Variants in EYS observed in about 807,000 individuals in gnomAD.
EYS encodes the protein protein eyes shut homolog.
Under a neutral mutation model 282.1 loss-of-function variants are expected in EYS, and 250 were observed. The ratio of observed to expected loss-of-function variants is 0.89; its 90% CI spans 0.80 to 0.98. The LOEUF (loss-of-function observed/expected upper bound fraction) is 0.98. Among genes scored for constraint, EYS ranks in the 50% least tolerant of loss-of-function variants. The pLI, the probability that EYS is intolerant of heterozygous loss-of-function variation, is 0.00. For synonymous variants in EYS, 1,355 were observed against 1,282.9 expected (o/e 1.06, Z -1.20); for missense variants, 4,016 against 3,709.0 (o/e 1.08, Z -2.15).
At chr6:65,458,440 T>G (rs1417108201) in intron 5 of EYS, among the ~76,000 whole-genome samples, 1 of 152,044 alleles carries the variant, frequency 6.6e-6, no homozygotes. Context: ...TCAGGGAATA[T>G]CCCATGAGAA....
chr6:64,499,879 C>T (rs573996738), intron 26 of EYS, among the ~76,000 whole-genome samples: 3 of 152,118 alleles, frequency 2.0e-5, no homozygotes, highest in Non-Finnish European at 4.4e-5. Context: ...TCTGAAATGC[C>T]GTGCTCATTG....
rs372357371 is a variant in EYS, at chr6:65,239,183, G to A, written c.2023+56680C>T. Among the ~76,000 whole-genome samples, 195 of 152,090 alleles carry A rather than the reference G, an allele frequency of 1.3e-3. 1 individual carries two copies. The highest frequency in any genetic ancestry group is 4.3e-3 in the African/African-American group (180 of 41,532). On this transcript the variant is annotated intron_variant, in intron 12 of 42. Coordinates refer to ENST00000503581, the MANE Select transcript of EYS (RefSeq NM_001142800.2). ...CACAGGCCAAAACAAGACATATCCT[G>A]TCTTCACAGGGTGATGCTCATTGTC...
At chr6:64,030,839 C>A (rs370091165) in intron 33 of EYS, among the ~76,000 whole-genome samples, 3 of 152,234 alleles carry the variant, frequency 2.0e-5, no homozygotes, top group Non-Finnish European at 1.5e-5. Context: ...CCTGGACCAA[C>A]GCGCTGGCAC....
chr6:65,354,960 C>T (rs1231127476), intron 8 of EYS, among the ~76,000 whole-genome samples: 2 of 152,026 alleles, frequency 1.3e-5, no homozygotes, highest in East Asian at 3.9e-4. Flanking sequence ...TAACCCATTA[C>T]TTTTATACTG....
intron 12 of EYS, among the ~76,000 whole-genome samples, chr6:65,210,957 C>T (rs751749776): frequency 1.3e-5 from 2 of 149,174 alleles, no homozygotes; most frequent in African/African-American, 2.5e-5. Context: ...CACACACACA[C>T]GAAGCAAACG....
chr6:65,638,366 G>C (rs1767162276), intron 2 of EYS, among the ~76,000 whole-genome samples: 1 of 152,130 alleles, frequency 6.6e-6, no homozygotes, highest in Admixed American at 6.5e-5. Flanking sequence ...CTGAATGGTG[G>C]GAATGAAAGA....
At chr6:65,086,307 C>T (rs1326599420) in intron 12 of EYS, among the ~76,000 whole-genome samples, 1 of 151,710 alleles carries the variant, frequency 6.6e-6, no homozygotes, top group African/African-American at 2.4e-5. Context: ...CAGAGTGAGA[C>T]TCCATCTCAA....
At chr6:63,728,582 A>G (rs1192163156) in intron 41 of EYS, among the ~76,000 whole-genome samples, 1 of 152,198 alleles carries the variant, frequency 6.6e-6, no homozygotes, top group Non-Finnish European at 1.5e-5. Flanking sequence ...ACACATCATT[A>G]TCACATAAGT....
At chr6:64,200,421 A>G (rs1272821135) in intron 31 of EYS, among the ~76,000 whole-genome samples, 4 of 152,146 alleles carry the variant, frequency 2.6e-5, no homozygotes, top group African/African-American at 9.7e-5. Context: ...TTGTGTATGG[A>G]AGTTAGGGTA....
chr6:64,247,489 C>T (rs943661902), intron 30 of EYS, among the ~76,000 whole-genome samples: 2 of 152,022 alleles, frequency 1.3e-5, no homozygotes, highest in African/African-American at 4.8e-5. Context: ...CCAAGTAAAT[C>T]GATCTAGGAT....
intron 22 of EYS, among the ~76,000 whole-genome samples, chr6:64,709,099 T>C (rs533656788): frequency 6.6e-6 from 1 of 152,326 alleles, no homozygotes; most frequent in South Asian, 2.1e-4. Context: ...AAATATAATA[T>C]GTTTTTAAAA....
chr6:64,478,445 T>C (rs1430160078), intron 26 of EYS, among the ~76,000 whole-genome samples: 1 of 151,478 alleles, frequency 6.6e-6, no homozygotes, highest in Admixed American at 6.6e-5. Flanking sequence ...AAATTATTTC[T>C]ATATTTAAAA....
At chr6:64,745,462 G>T (rs1330983608) in intron 22 of EYS, among the ~76,000 whole-genome samples, 2 of 151,968 alleles carry the variant, frequency 1.3e-5, no homozygotes, top group African/African-American at 4.8e-5. Flanking sequence ...AAATTCAGTG[G>T]CATTTAGTAT....
At chr6:64,604,026 T>C (rs950606070) in intron 24 of EYS, among the ~76,000 whole-genome samples, 1 of 151,948 alleles carries the variant, frequency 6.6e-6, no homozygotes, top group Non-Finnish European at 1.5e-5. Context: ...ATTCCCCTAA[T>C]CTGCATTATT....
intron 13 of EYS, among the ~76,000 whole-genome samples, chr6:65,051,332 G>C (rs996978229): frequency 6.6e-6 from 1 of 151,388 alleles, no homozygotes; most frequent in Non-Finnish European, 1.5e-5. Flanking sequence ...ATATGTGCAG[G>C]TTTCATTTTA....
At chr6:64,617,111 C>T (rs759748956) in intron 24 of EYS, among the ~76,000 whole-genome samples, 2 of 152,098 alleles carry the variant, frequency 1.3e-5, no homozygotes, top group Non-Finnish European at 2.9e-5. Flanking sequence ...TAAGTAATTC[C>T]TCCACTGGCA....
In EYS at chr6:64,727,844, C is replaced by T. The variant is rs79904232; in HGVS notation, c.3443+85534G>A. On this transcript the variant is annotated intron_variant, in intron 22 of 42. Coordinates refer to ENST00000503581, the MANE Select transcript of EYS (RefSeq NM_001142800.2). The stretch of plus-strand genomic sequence containing the variant: ...AATAACTCAGAGGAATAAGTTGTTT[C>T]TTTACAAAGTAGCCTAATAAGTACT... 9.6e-3 allele frequency among the ~76,000 whole-genome samples: 1,460 copies of T among 152,326 alleles called. 12 individuals are homozygous for T. Among genetic ancestry groups the T allele is most frequent in the Non-Finnish European group, 0.013 (916 of 68,028 alleles).
intron 22 of EYS, among the ~76,000 whole-genome samples, chr6:64,765,353 C>G (rs1773289879): frequency 6.6e-6 from 1 of 152,192 alleles, no homozygotes; most frequent in African/African-American, 2.4e-5. Context: ...TTGGTCAAAG[C>G]CATGCCACAA....
intron 1 of EYS, among the ~76,000 whole-genome samples, chr6:65,679,610 A>T (rs1768746863): frequency 6.6e-6 from 1 of 151,898 alleles, no homozygotes; most frequent in African/African-American, 2.4e-5. Context: ...TGTTTTAGAA[A>T]CCTTTTCTAC....
Sources: allele counts gnomAD v4.1 joint callset (sites outside exome capture counted in the v4.1 genomes callset), GRCh38; gene constraint gnomAD v4.1.1; transcripts MANE v1.5; gene names NCBI Gene and HGNC (gene_info 2026-07-23, HGNC 2026-07-21).